STMN4: variants seen among roughly 807,000 people sequenced by gnomAD.
STMN4 encodes stathmin-4.
STMN4 carries 12 observed loss-of-function variants against 29.1 expected under a neutral mutation model. The observed-to-expected ratio is 0.41, with a 90% CI of 0.26 to 0.67. The LOEUF (loss-of-function observed/expected upper bound fraction) is 0.67, where lower values mean the gene tolerates loss of function less well. STMN4 is among the 30% of genes least tolerant of loss of function. The probability of loss-of-function intolerance (pLI) is 0.30; values close to 1 mark genes in which losing one functional copy is unlikely to be tolerated. For synonymous variants in STMN4, 114 were observed against 105.3 expected (o/e 1.08, Z -0.51); for missense variants, 181 against 262.8 (o/e 0.69, Z 2.15).
chr8:27,241,305 C>T lies in STMN4; in HGVS notation c.191-43G>A. On this transcript the variant is annotated intron_variant, in intron 4 of 6. Coordinates refer to ENST00000350889, the MANE Select transcript of STMN4 (RefSeq NM_030795.4). The stretch of plus-strand genomic sequence containing the variant: ...GGGGCTGCTCACGTCCTGAAGAATG[C>T]ACAGGCACCCAGCAAGCATGCGGCG... 3 of 1,611,194 alleles carry T rather than the reference C, an allele frequency of 1.9e-6. No homozygotes were observed. In the South Asian group the frequency reaches 3.3e-5, roughly 18 times the overall value.
intron 1 of STMN4, among the ~76,000 whole-genome samples, chr8:27,244,999 CTTCAAACCCCTT>C (rs1233346036): frequency 6.6e-6 from 1 of 152,126 alleles, no homozygotes; most frequent in African/African-American, 2.4e-5. Flanking sequence ...CTGAGACCCA[CTTCAAACCCCTT>C]GCCTTTCTGT....
chr8:27,252,380 C>T (rs1010032151), intron 1 of STMN4, among the ~76,000 whole-genome samples: 4 of 152,058 alleles, frequency 2.6e-5, no homozygotes, highest in Non-Finnish European at 5.9e-5. Context: ...CCTGAGGAAT[C>T]GCCACAAAGG....
chr8:27,244,089 G>A (rs763626881), intron 1 of STMN4, among the ~76,000 whole-genome samples: 1 of 152,180 alleles, frequency 6.6e-6, no homozygotes, highest in Non-Finnish European at 1.5e-5. Context: ...TATGGATCAA[G>A]GGGTGCTCAT....
rs766221310 is a variant in STMN4, at chr8:27,235,744, A to C, written c.*1102T>G. On this transcript the variant is annotated 3_prime_UTR_variant, in exon 7 of 7. Transcript: ENST00000350889. ...CCTTCATGAATGGGATTAGTGCCTTAAAGAAAAGGCTCAAGGAAGCCCTTT... is the reference window on the plus strand; with the variant it reads ...CCTTCATGAATGGGATTAGTGCCTTCAAGAAAAGGCTCAAGGAAGCCCTTT... The C allele has an allele frequency of 6.6e-5, 10 of 152,182 alleles. No homozygotes were observed. Among genetic ancestry groups the C allele is most frequent in the Non-Finnish European group, 1.5e-4 (10 of 68,044 alleles). 9.4% of individuals were successfully genotyped at this position (152,182 alleles called of 1,614,324 possible). A position where few individuals can be genotyped will look rare whatever the true frequency, so the allele number is the denominator to read the frequency against.
intron 1 of STMN4, among the ~76,000 whole-genome samples, chr8:27,257,546 C>G (rs1176908592): frequency 1.3e-5 from 2 of 151,950 alleles, no homozygotes; most frequent in African/African-American, 2.4e-5. Context: ...AAGACTCCAC[C>G]ACACCTGATT....
At chr8:27,241,537 C>T in intron 4 of STMN4, 140 bp downstream of exon 4, 1 of 1,108,164 alleles carries the variant, frequency 9.0e-7, no homozygotes, top group Non-Finnish European at 1.3e-6. Context: ...TTGCTTCCCC[C>T]ACCAGCCTCC....
intron 1 of STMN4, among the ~76,000 whole-genome samples, chr8:27,245,277 C>T (rs1801593351): frequency 6.6e-6 from 1 of 152,226 alleles, no homozygotes; most frequent in Non-Finnish European, 1.5e-5. Context: ...CTATCAGGTG[C>T]CACATGCCTG....
chr8:27,238,372 G>A (rs1366022535), intron 6 of STMN4, among the ~76,000 whole-genome samples: 2 of 152,184 alleles, frequency 1.3e-5, no homozygotes, highest in African/African-American at 4.8e-5. Context: ...CCACCAGTGG[G>A]TAAAGGGGAG....
intron 3 of STMN4, 107 bp from the exon 4 acceptor site, chr8:27,241,864 G>T (rs1032133773): frequency 2.2e-6 from 3 of 1,351,056 alleles, no homozygotes; most frequent in Admixed American, 1.7e-5. Context: ...AGGTGACCTG[G>T]TCCCCGAGCA....
At chr8:27,250,377 T>C (rs1301407328) in intron 1 of STMN4, among the ~76,000 whole-genome samples, 1 of 152,228 alleles carries the variant, frequency 6.6e-6, no homozygotes, top group Non-Finnish European at 1.5e-5. Context: ...ACTGAGTATT[T>C]AATTATGTGC....
At chr8:27,248,932 T>C (rs542019869) in intron 1 of STMN4, among the ~76,000 whole-genome samples, 74 of 152,344 alleles carry the variant, frequency 4.9e-4, no homozygotes, top group East Asian at 1.9e-4. Context: ...TCTGAAGTTT[T>C]CACATCTCAC....
chr8:27,239,847 A>T, intron 6 of STMN4, 124 bp downstream of exon 6: 1 of 1,561,418 alleles, frequency 6.4e-7, no homozygotes, highest in African/African-American at 1.4e-5. Context: ...CTGCCTAAGA[A>T]AAAGATCCTG....
intron 1 of STMN4, among the ~76,000 whole-genome samples, chr8:27,251,090 T>A (rs546398190): frequency 1.9e-4 from 29 of 151,860 alleles, no homozygotes; most frequent in Non-Finnish European, 3.8e-4. Context: ...CTACTAAAAA[T>A]ACAAAAATTA....
At chr8:27,245,455 C>T (rs1249086759) in intron 1 of STMN4, among the ~76,000 whole-genome samples, 1 of 152,220 alleles carries the variant, frequency 6.6e-6, no homozygotes, top group Admixed American at 6.5e-5. Flanking sequence ...CTTTGTTCTC[C>T]TTGTTCTTGT....
intron 6 of STMN4, among the ~76,000 whole-genome samples, chr8:27,237,466 G>A (rs1044363094): frequency 3.3e-5 from 5 of 152,132 alleles, no homozygotes; most frequent in Admixed American, 6.5e-5. Context: ...TGTTGCCCAG[G>A]CTGTCCTCTA....
Position 27,236,754 on chromosome 8 carries a change from T to G in STMN4, c.*92A>C. ...CCACCCCCCTCCCCCCAAACCCCAGTGCTGGGAGCGCAGCCGGCGGGCGAG... is the reference window on the plus strand; with the variant it reads ...CCACCCCCCTCCCCCCAAACCCCAGGGCTGGGAGCGCAGCCGGCGGGCGAG... On this transcript the variant is annotated 3_prime_UTR_variant, in exon 7 of 7. Transcript: ENST00000350889. 1.7e-5 allele frequency: 19 copies of G among 1,119,792 alleles called. No homozygotes were observed. The highest frequency in any genetic ancestry group is 2.0e-5 in the Non-Finnish European group (16 of 813,960). The allele number at this position is 1,119,792 out of a possible 1,614,324, so 69.4% of individuals were successfully genotyped here. A position where few individuals can be genotyped will look rare whatever the true frequency, so the allele number is the denominator to read the frequency against.
intron 1 of STMN4, among the ~76,000 whole-genome samples, chr8:27,250,153 G>A (rs992257080): frequency 3.9e-5 from 6 of 152,074 alleles, no homozygotes; most frequent in Admixed American, 1.3e-4. Flanking sequence ...TCCAGTTGAG[G>A]TCATATATTT....
chr8:27,253,133 G>A (rs990159198), intron 1 of STMN4, among the ~76,000 whole-genome samples: 1 of 152,212 alleles, frequency 6.6e-6, no homozygotes, highest in Non-Finnish European at 1.5e-5. Flanking sequence ...CTTTTCAGAG[G>A]AGGAGACAAG....
intron 1 of STMN4, among the ~76,000 whole-genome samples, chr8:27,245,872 C>T (rs1462915190): frequency 4.6e-5 from 7 of 152,294 alleles, no homozygotes; most frequent in South Asian, 2.1e-4. Flanking sequence ...AGGGGGCACT[C>T]GACACCCACC....
Sources: allele counts gnomAD v4.1 joint callset (sites outside exome capture counted in the v4.1 genomes callset), GRCh38; gene constraint gnomAD v4.1.1; transcripts MANE v1.5; gene names NCBI Gene and HGNC (gene_info 2026-07-23, HGNC 2026-07-21).